IDH2: variants seen among roughly 807,000 people sequenced by gnomAD.
IDH2 encodes isocitrate dehydrogenase [NADP], mitochondrial.
IDH2 carries 18 observed loss-of-function variants against 50.5 expected under a neutral mutation model. The ratio of observed to expected loss-of-function variants is 0.36; its 90% CI spans 0.25 to 0.53. IDH2 has a LOEUF of 0.53. Ranked by LOEUF, IDH2 falls within the 20% of genes least tolerant of loss-of-function variation. The pLI, the probability that IDH2 is intolerant of heterozygous loss-of-function variation, is 0.92. For missense variants in IDH2, 518 were observed against 610.7 expected (o/e 0.85, Z 1.60); for synonymous variants, 280 against 239.8 (o/e 1.17, Z -1.55).
intron 4 of IDH2, 40 bp from the exon 5 acceptor site, chr15:90,088,542 CG>C (rs1340598778): frequency 1.2e-6 from 2 of 1,614,060 alleles, no homozygotes; most frequent in Non-Finnish European, 1.7e-6. Flanking sequence ...GAGCTCCAGT[CG>C]GGGGGTGCCC....
At position 90,084,310 on chromosome 15, in the gene IDH2, C is replaced by T. The variant is rs1222149957; in HGVS notation, c.1315G>A (p.Asp439Asn). The T allele has an allele frequency of 9.9e-6, 16 of 1,614,046 alleles. No homozygotes were observed. Among genetic ancestry groups the T allele is most frequent in the Middle Eastern group, 1.7e-4 (1 of 6,042 alleles). The change falls in exon 11 of 11, where the codon GAC (aspartate) becomes AAC (asparagine). Residue 439 changes from aspartate (D) to asparagine (N), a missense_variant. By Grantham distance (23) the Asp-to-Asn change is conservative. This residue lies in a region of IDH2 where 135 missense variants were observed against 167.6 expected (regional missense o/e 0.81). Coordinates refer to ENST00000330062, the MANE Select transcript of IDH2 (RefSeq NM_002168.4). This position sits in a 1 kb window ranked among gnomAD's most constrained non-coding sequence, Gnocchi z 5.0. ...EHFLNTTDFL[D>N]TIKSNLDRAL... ...CTGTCCAGGTTGCTCTTGATGGTGT[C>T]GAGGAAGTCCGTGGTGTTCAGGAAG...
chr15:90,087,542 A>T lies in IDH2; in HGVS notation c.712T>A (p.Tyr238Asn). Residue 238 changes from tyrosine (Y) to asparagine (N), a missense_variant, in exon 6 of 11, where the codon TAT becomes AAT. Transcript: ENST00000330062. ...ISGFAHSCFQ[Y>N]AIQKKWPLYM... ...AGCGGCCATTTCTTCTGGATGGCATACTGGAAGCAGCTGTGCGCAAAACCT... is the reference window on the plus strand; with the variant it reads ...AGCGGCCATTTCTTCTGGATGGCATTCTGGAAGCAGCTGTGCGCAAAACCT... 1 of 1,613,926 alleles carries T rather than the reference A, an allele frequency of 6.2e-7. No individual in the cohort carries two copies. The highest frequency in any genetic ancestry group is 8.5e-7 in the Non-Finnish European group (1 of 1,180,024).
intron 1 of IDH2, among the ~76,000 whole-genome samples, chr15:90,095,301 A>G (rs1018903773): frequency 2.0e-5 from 3 of 152,106 alleles, no homozygotes; most frequent in African/African-American, 7.2e-5. Context: ...GCCTTTCCCA[A>G]GACGCGATGG....
rs140214431 is a variant in IDH2, at chr15:90,093,768, C to T, written c.116-2124G>A. Among the ~76,000 whole-genome samples the T allele has an allele frequency of 3.4e-3, 510 of 152,166 alleles. 8 individuals are homozygous for T. Among genetic ancestry groups the T allele is most frequent in the African/African-American group, 0.011 (445 of 41,528 alleles). On this transcript the variant is annotated intron_variant, in intron 1 of 10. Coordinates refer to ENST00000330062, the MANE Select transcript of IDH2 (RefSeq NM_002168.4). ...CTGAGTAGCTGGGATTACAGGCACA[C>T]GCCACCAGGCCCGGCTAATTTTTGT...
At chr15:90,086,554 C>T (rs766453770) in intron 7 of IDH2, among the ~76,000 whole-genome samples, 3 of 152,006 alleles carry the variant, frequency 2.0e-5, no homozygotes, top group African/African-American at 4.8e-5. Context: ...TGACTGTGCC[C>T]GCCTCCATGC....
At chr15:90,095,214 G>A (rs1303410661) in intron 1 of IDH2, among the ~76,000 whole-genome samples, 3 of 152,142 alleles carry the variant, frequency 2.0e-5, no homozygotes, top group Admixed American at 2.0e-4. Flanking sequence ...GTCAGATGTA[G>A]AGAAGCAGAA....
At chr15:90,101,646 G>C (rs1418455942) in intron 1 of IDH2, among the ~76,000 whole-genome samples, 1 of 151,182 alleles carries the variant, frequency 6.6e-6, no homozygotes, top group East Asian at 2.0e-4. Context: ...GAGGCCCCAG[G>C]ATGGAGCCTC....
rs772144689 is a variant in IDH2, at chr15:90,083,820, T to C, written c.*446A>G. 3 of 272,570 alleles carry C rather than the reference T, an allele frequency of 1.1e-5. No individual in the cohort carries two copies. The highest frequency in any genetic ancestry group is 2.2e-5 in the African/African-American group (1 of 45,844). 16.9% of individuals were successfully genotyped at this position (272,570 alleles called of 1,614,324 possible). ...CCGAGAACTCCGCAGTGGGCCCCTG[T>C]GGAATGCGGGCTCCCAGGGCTGCCT... is the stretch of plus-strand genomic sequence containing the variant. On this transcript the variant is annotated 3_prime_UTR_variant, in exon 11 of 11. Transcript: ENST00000330062.
intron 7 of IDH2, among the ~76,000 whole-genome samples, chr15:90,086,570 T>A (rs1273105447): frequency 6.6e-6 from 1 of 152,008 alleles, no homozygotes; most frequent in East Asian, 1.9e-4. Context: ...CATGCCCAGC[T>A]AAATTTTTTT....
chr15:90,102,386 G>A lies in IDH2; in HGVS notation c.5C>T (p.Ala2Val). 2 of 1,354,198 alleles carry A rather than the reference G, an allele frequency of 1.5e-6. No homozygotes were observed. The highest frequency in any genetic ancestry group is 1.9e-6 in the Non-Finnish European group (2 of 1,042,382). 83.9% of individuals were successfully genotyped at this position (1,354,198 alleles called of 1,614,324 possible). A position where few individuals can be genotyped will look rare whatever the true frequency, so the allele number is the denominator to read the frequency against. ...CGAGCGCACGACCCGCAGGTAGCCG[G>A]CCATCCCAAGCTGGAGAGCGAACGA... M[A>V]GYLRVVRSLC... is the part of the protein sequence containing the mutation. The change falls in exon 1 of 11, where the codon GCC becomes GTC. Residue 2 changes from alanine to valine, a missense_variant. Transcript: ENST00000330062.
chr15:90,097,839 A>G (rs116605118), intron 1 of IDH2, among the ~76,000 whole-genome samples: 259 of 152,340 alleles, frequency 1.7e-3, no homozygotes, highest in African/African-American at 6.0e-3. Flanking sequence ...TACCAAAATA[A>G]TAAAAATTTA....
Position 90,100,751 on chromosome 15 carries a change from C to G in IDH2, c.115+1525G>C. The G allele has an allele frequency of 3.1e-6, 2 of 646,668 alleles. No homozygotes were observed. The highest frequency in any genetic ancestry group is 3.8e-6 in the Non-Finnish European group (2 of 520,412). The allele number at this position is 646,668 out of a possible 1,614,324, so 40.1% of individuals were successfully genotyped here. ...TCCAGCTGCGTTGCCAGGTAACAAG[C>G]TGGCAGAGTCGCAACTGTAGAGTCT... is the stretch of plus-strand genomic sequence containing the variant. On this transcript the variant is annotated intron_variant, in intron 1 of 10. Coordinates refer to ENST00000330062, the MANE Select transcript of IDH2 (RefSeq NM_002168.4). The surrounding 1 kb of genome is among the most constrained non-coding windows in gnomAD (Gnocchi z 4.1).
At chr15:90,087,832 C>CG in intron 5 of IDH2, among the ~76,000 whole-genome samples, 1 of 77,588 alleles carries the variant, frequency 1.3e-5, no homozygotes, top group African/African-American at 5.0e-5. Context: ...TTGGAAACAA[C>CG]TTTTTTTTGG....
chr15:90,102,161 C>T (rs922409062), intron 1 of IDH2, 115 bp downstream of exon 1: 3 of 384,570 alleles, frequency 7.8e-6, no homozygotes, highest in Non-Finnish European at 8.7e-6. Flanking sequence ...GTGCGCCTGA[C>T]CCCGCCGTCC....
At position 90,084,220 on chromosome 15, in the gene IDH2, G is replaced by A. The variant is rs990164993; in HGVS notation, c.*46C>T. 9.6e-6 allele frequency: 15 copies of A among 1,554,434 alleles called. No homozygotes were observed. Among genetic ancestry groups the A allele is most frequent in the Middle Eastern group, 1.9e-4 (1 of 5,204 alleles). On this transcript the variant is annotated 3_prime_UTR_variant, in exon 11 of 11. Transcript: ENST00000330062. The surrounding 1 kb of genome is among the most constrained non-coding windows in gnomAD (Gnocchi z 5.0). ...TCTGCCGCGCTCAGGAGGACCCGCC[G>A]GCTCAGCCCTGGCCCCTCCACTGCA... is the stretch of plus-strand genomic sequence containing the variant.
rs370242172 is a variant in IDH2, at chr15:90,098,535, T to C, written c.115+3741A>G. ...GTATGTATGTATGTATGCATGCATG[T>C]ATGTATGTATGTATGTATGTATGTA... On this transcript the variant is annotated intron_variant, in intron 1 of 10. Coordinates refer to ENST00000330062, the MANE Select transcript of IDH2 (RefSeq NM_002168.4). This position sits in a 1 kb window ranked among gnomAD's most constrained non-coding sequence, Gnocchi z 5.1. Among the ~76,000 whole-genome samples the C allele has an allele frequency of 6.9e-4, 98 of 142,488 alleles. 3 individuals carry two copies. In the South Asian group the frequency reaches 0.017, roughly 25 times the overall value. The allele number at this position is 142,488 out of a possible 152,430, so 93.5% of individuals were successfully genotyped here. A position where few individuals can be genotyped will look rare whatever the true frequency, so the allele number is the denominator to read the frequency against.
chr15:90,097,655 C>T (rs983736816), intron 1 of IDH2, among the ~76,000 whole-genome samples: 2 of 144,928 alleles, frequency 1.4e-5, no homozygotes, highest in African/African-American at 4.9e-5. Flanking sequence ...AGGTGGCTGC[C>T]AGGGACTGGG....
rs2151549542 is a variant in IDH2 at position 90,088,599 on chromosome 15, G to C, written c.522C>G (p.Ala174=). 1 of 1,614,200 alleles carries C rather than the reference G, an allele frequency of 6.2e-7. No homozygotes were observed. The highest frequency in any genetic ancestry group is 8.5e-7 in the Non-Finnish European group (1 of 1,180,042). The part of the protein sequence containing the change: ...WTKPITIGRH[A]HGDQYKATDF... ...CACCCTGGCCTACCTGGTCGCCATGGGCGTGCCTGCCAATGGTGATGGGCT... is the reference window on the plus strand; with the variant it reads ...CACCCTGGCCTACCTGGTCGCCATGCGCGTGCCTGCCAATGGTGATGGGCT... The change falls in exon 4 of 11, where the codon GCC becomes GCG. Residue 174 remains alanine, a synonymous_variant. Coordinates refer to ENST00000330062, the MANE Select transcript of IDH2 (RefSeq NM_002168.4).
intron 1 of IDH2, among the ~76,000 whole-genome samples, chr15:90,096,752 A>C (rs1317351318): frequency 6.6e-6 from 1 of 152,070 alleles, no homozygotes; most frequent in African/African-American, 2.4e-5. Context: ...GACTCTACTA[A>C]AAATACAAAA....
Sources: gnomAD v4.1 joint callset for allele counts (sites outside exome capture counted in the v4.1 genomes callset) on GRCh38, gnomAD v4.1.1 for gene constraint, gnomAD v4.1.1 regional missense constraint, Gnocchi (gnomAD v3.1) non-coding constraint, MANE v1.5 for transcripts, NCBI Gene and HGNC (gene_info 2026-07-23, HGNC 2026-07-21) for gene names.